ESR1: variants seen among roughly 807,000 people sequenced by gnomAD.
ESR1 encodes estrogen receptor.
Under a neutral mutation model 52.7 loss-of-function variants are expected in ESR1, and 12 were observed. The observed-to-expected ratio is 0.23, with a 90% CI of 0.15 to 0.37. The LOEUF is 0.37. Among genes scored for constraint, ESR1 ranks in the 10% least tolerant of loss-of-function variants. ESR1 has a pLI of 1.00. For missense variants in ESR1, 584 were observed against 779.7 expected, an observed-to-expected ratio of 0.75 and a Z score of 2.99; for synonymous variants, 305 against 316.8, an observed-to-expected ratio of 0.96 and a Z score of 0.39.
At chr6:151,929,946 A>T (rs1310570307) in intron 3 of ESR1, among the ~76,000 whole-genome samples, 1 of 150,966 alleles carries the variant, frequency 6.6e-6, no homozygotes, top group Non-Finnish European at 1.5e-5. Flanking sequence ...AATGTATGTC[A>T]TACCATTTTA....
intron 1 of ESR1, among the ~76,000 whole-genome samples, chr6:151,809,751 C>T (rs1287195865): frequency 6.6e-6 from 1 of 152,206 alleles, no homozygotes; most frequent in East Asian, 1.9e-4. Context: ...CAGATCCAAG[C>T]TGTCTTTACT....
chr6:151,836,532 A>G (rs1227684525), intron 1 of ESR1, among the ~76,000 whole-genome samples: 2 of 152,248 alleles, frequency 1.3e-5, no homozygotes, highest in African/African-American at 2.4e-5. Context: ...TATGGAAGCT[A>G]CAATTCAAGA....
At chr6:151,975,209 T>C (rs1207663320) in intron 4 of ESR1, among the ~76,000 whole-genome samples, 1 of 152,220 alleles carries the variant, frequency 6.6e-6, no homozygotes, top group East Asian at 1.9e-4. Context: ...CTTCTAAGGA[T>C]GGAATGCCAT....
At chr6:151,880,032 C>T (rs1284420950) in intron 2 of ESR1, among the ~76,000 whole-genome samples, 1 of 152,000 alleles carries the variant, frequency 6.6e-6, no homozygotes, top group Non-Finnish European at 1.5e-5. Context: ...CAAACCAAAA[C>T]CAAAAAACCT....
intron 2 of ESR1, among the ~76,000 whole-genome samples, chr6:151,708,317 T>C (rs1291246477): frequency 6.6e-6 from 1 of 152,220 alleles, no homozygotes; most frequent in East Asian, 1.9e-4. Context: ...TCAAGTAATC[T>C]GCTTTCAGCT....
intron 4 of ESR1, among the ~76,000 whole-genome samples, chr6:151,956,913 G>A (rs2037052377): frequency 6.9e-6 from 1 of 144,868 alleles, no homozygotes; most frequent in East Asian, 2.0e-4. Context: ...GTCTCACTCT[G>A]TTGCCCAGGC....
At chr6:151,954,007 C>A (rs2036623062) in intron 4 of ESR1, among the ~76,000 whole-genome samples, 1 of 152,190 alleles carries the variant, frequency 6.6e-6, no homozygotes, top group Non-Finnish European at 1.5e-5. Context: ...TTCACCCCGC[C>A]TCTAGCCCTT....
chr6:151,899,777 G>A (rs1483176664), intron 3 of ESR1, among the ~76,000 whole-genome samples: 12 of 151,204 alleles, frequency 7.9e-5, no homozygotes, highest in East Asian at 2.0e-4. Flanking sequence ...GGGCAGAGGC[G>A]CTCCCCACAT....
Position 151,707,792 on chromosome 6 carries a change from C to T in ESR1, c.-71+5787C>T, listed in dbSNP as rs1780296631. On this transcript the variant is annotated intron_variant, in intron 2 of 2. Coordinates refer to the ESR1 transcript ENST00000404742. ...TTAAAAATTCCAAGCAAAAATTTTT[C>T]AAAATCCCATCTAGAAATCAAATCA... Among the ~76,000 whole-genome samples, 3 of 151,988 alleles carry T rather than the reference C, an allele frequency of 2.0e-5. No individual in the cohort carries two copies. In the South Asian group the frequency reaches 6.2e-4, roughly 32 times the overall value.
At chr6:151,887,327 T>A (rs1374546459) in intron 3 of ESR1, among the ~76,000 whole-genome samples, 2 of 152,022 alleles carry the variant, frequency 1.3e-5, no homozygotes, top group Non-Finnish European at 2.9e-5. Context: ...ATTGAAACTA[T>A]TATTTTATTA....
intron 2 of ESR1, among the ~76,000 whole-genome samples, chr6:151,720,817 A>G (rs959830548): frequency 6.6e-6 from 1 of 152,218 alleles, no homozygotes; most frequent in Non-Finnish European, 1.5e-5. Flanking sequence ...ACATGAGGAC[A>G]TAATTTACTT....
chr6:151,851,872 G>A (rs1786807955), intron 2 of ESR1, among the ~76,000 whole-genome samples: 2 of 152,126 alleles, frequency 1.3e-5, no homozygotes, highest in African/African-American at 4.8e-5. Flanking sequence ...GAGGTATATA[G>A]GAGGGACCAG....
At chr6:151,835,997 A>C (rs1021672940) in intron 1 of ESR1, among the ~76,000 whole-genome samples, 3 of 152,210 alleles carry the variant, frequency 2.0e-5, no homozygotes, top group Non-Finnish European at 4.4e-5. Context: ...GTTGTACTTT[A>C]TGACAGTTCT....
At chr6:151,805,576 C>T (rs1330487449), upstream of ESR1, 1 of 152,734 alleles carries the variant, frequency 6.5e-6, no homozygotes, top group Non-Finnish European at 1.5e-5. Context: ...TGCCATTCAT[C>T]CAGCGCTGTG....
At chr6:151,670,618 C>T (rs539692951) in intron 1 of ESR1, among the ~76,000 whole-genome samples, 2 of 152,168 alleles carry the variant, frequency 1.3e-5, no homozygotes, top group African/African-American at 2.4e-5. Context: ...CAGTCTTGCT[C>T]TGTCACCCAG....
chr6:152,091,973 A>AG (rs2050220324), intron 6 of ESR1, among the ~76,000 whole-genome samples: 1 of 152,162 alleles, frequency 6.6e-6, no homozygotes, highest in Non-Finnish European at 1.5e-5. Context: ...ATCCAGCCGG[A>AG]GGCAGAGGCT....
intron 3 of ESR1, among the ~76,000 whole-genome samples, chr6:151,907,011 T>C (rs2128423187): frequency 6.6e-6 from 1 of 152,094 alleles, no homozygotes; most frequent in East Asian, 1.9e-4. Flanking sequence ...AATACATTCT[T>C]TCCCTGTTGA....
At chr6:151,790,337 C>G (rs1013233399) in intron 2 of ESR1, among the ~76,000 whole-genome samples, 3 of 152,168 alleles carry the variant, frequency 2.0e-5, no homozygotes, top group African/African-American at 7.2e-5. Flanking sequence ...TTCTCTTATC[C>G]TTAAGATTTT....
intron 2 of ESR1, among the ~76,000 whole-genome samples, chr6:151,742,080 G>C (rs149677404): frequency 7.9e-5 from 12 of 152,024 alleles, no homozygotes; most frequent in South Asian, 4.1e-4. Context: ...CCTCCACCAG[G>C]CTCATCCATG....
Sources: allele counts gnomAD v4.1 joint callset (sites outside exome capture counted in the v4.1 genomes callset), GRCh38; gene constraint gnomAD v4.1.1; transcripts MANE v1.5; gene names NCBI Gene and HGNC (gene_info 2026-07-23, HGNC 2026-07-21).